The following DOCK1 variants were observed in gnomAD, a reference collection of about 807,000 sequenced individuals.
DOCK1 encodes the protein dedicator of cytokinesis 1, also known as dedicator of cytokinesis protein 1.
A neutral mutation model predicts 262.7 loss-of-function variants in DOCK1; 138 were observed. The ratio of observed to expected loss-of-function variants is 0.53; its 90% CI spans 0.46 to 0.61. DOCK1 has a LOEUF of 0.61. DOCK1 is among the 20% of genes least tolerant of loss of function. DOCK1 has a pLI of 0.00. For synonymous variants in DOCK1, 866 were observed against 867.4 expected, an observed-to-expected ratio of 1.00 and a Z score of 0.03; for missense variants, 1,908 against 2,370.7, an observed-to-expected ratio of 0.80 and a Z score of 4.05.
chr10:127,235,858 T>C (rs949888893), intron 27 of DOCK1, among the ~76,000 whole-genome samples: 2 of 152,142 alleles, frequency 1.3e-5, no homozygotes, highest in Non-Finnish European at 2.9e-5. Context: ...AACTTGCGTG[T>C]TCCTATTGAC....
chr10:127,227,312 G>A (rs1186361), intron 27 of DOCK1, among the ~76,000 whole-genome samples: 89,521 of 152,052 alleles, frequency 0.59, 26,725 homozygotes, highest in East Asian at 0.74. Context: ...AAGGATGCCT[G>A]TGGGGAGTAG....
chr10:126,940,150 A>T (rs2034878845), intron 1 of DOCK1, among the ~76,000 whole-genome samples: 2 of 152,338 alleles, frequency 1.3e-5, no homozygotes, highest in Admixed American at 1.3e-4. Flanking sequence ...AGTAATGGAT[A>T]AGAAATTTGC....
chr10:127,172,710 T>C (rs1035013721), intron 27 of DOCK1, among the ~76,000 whole-genome samples: 2 of 152,106 alleles, frequency 1.3e-5, no homozygotes, highest in African/African-American at 4.8e-5. Context: ...CTTTCTACCT[T>C]CCACCGTGAG....
At chr10:127,018,532 T>G in intron 12 of DOCK1, 178 bp from the exon 13 acceptor site, 1 of 871,506 alleles carries the variant, frequency 1.1e-6, no homozygotes, top group Non-Finnish European at 1.7e-6. Flanking sequence ...GTTGGATGCA[T>G]GGAGTCCCCA....
chr10:126,945,143 C>T (rs1260666704), intron 1 of DOCK1, among the ~76,000 whole-genome samples: 2 of 152,054 alleles, frequency 1.3e-5, no homozygotes, highest in African/African-American at 4.8e-5. Context: ...GGCCAGAAAA[C>T]GTTTTTTATC....
intron 38 of DOCK1, among the ~76,000 whole-genome samples, chr10:127,391,979 C>G (rs1051717087): frequency 2.3e-5 from 3 of 128,546 alleles, no homozygotes; most frequent in Non-Finnish European, 5.2e-5. Context: ...TGGCATGAGG[C>G]CCCTTAGAGT....
chr10:126,949,684 G>T (rs1488365178), intron 1 of DOCK1, among the ~76,000 whole-genome samples: 1 of 152,164 alleles, frequency 6.6e-6, no homozygotes, highest in African/African-American at 2.4e-5. Flanking sequence ...ATGCAGGAAG[G>T]ATCTGGAGGG....
intron 29 of DOCK1, among the ~76,000 whole-genome samples, chr10:127,325,827 T>C (rs2062724787): frequency 6.6e-6 from 1 of 152,292 alleles, no homozygotes; most frequent in African/African-American, 2.4e-5. Context: ...GGTGATTATA[T>C]CTTAACTCTT....
chr10:126,970,670 T>G (rs1373156546), intron 1 of DOCK1, 32 bp from the exon 2 acceptor site: 1 of 1,540,828 alleles, frequency 6.5e-7, no homozygotes, highest in South Asian at 1.1e-5. Flanking sequence ...ATCTTTACTA[T>G]TACTAATATA....
intron 27 of DOCK1, among the ~76,000 whole-genome samples, chr10:127,150,195 C>G (rs1384513109): frequency 6.6e-6 from 1 of 152,174 alleles, no homozygotes; most frequent in Non-Finnish European, 1.5e-5. Context: ...GAATAGGTGA[C>G]TCCTCCTGCC....
chr10:127,407,905 T>G (rs531214047), intron 40 of DOCK1, among the ~76,000 whole-genome samples: 8 of 152,168 alleles, frequency 5.3e-5, no homozygotes, highest in African/African-American at 1.9e-4. Context: ...TGTGGCAGTT[T>G]TCATTTCGGT....
At chr10:127,197,050 G>T (rs1051784538) in intron 27 of DOCK1, among the ~76,000 whole-genome samples, 5 of 152,176 alleles carry the variant, frequency 3.3e-5, no homozygotes, top group Admixed American at 3.3e-4. Context: ...TGCGGATGCT[G>T]CCTTGTAGAA....
At chr10:127,025,049 C>T in intron 15 of DOCK1, 1 of 311,430 alleles carries the variant, frequency 3.2e-6, no homozygotes, top group Non-Finnish European at 6.0e-6. Flanking sequence ...TCTTTCTCTT[C>T]CCAGTACTGT....
intron 27 of DOCK1, among the ~76,000 whole-genome samples, chr10:127,131,002 C>T (rs912694184): frequency 4.6e-5 from 7 of 152,176 alleles, no homozygotes; most frequent in African/African-American, 7.2e-5. Flanking sequence ...ACTCTAGGAT[C>T]TCCTTGCTAG....
At chr10:126,919,041 T>C (rs1281352873) in intron 1 of DOCK1, among the ~76,000 whole-genome samples, 1 of 131,090 alleles carries the variant, frequency 7.6e-6, no homozygotes, top group Non-Finnish European at 1.7e-5. Flanking sequence ...CATTAGGAGC[T>C]GGCTGTGTTT....
intron 1 of DOCK1, among the ~76,000 whole-genome samples, chr10:126,959,396 T>C (rs1442620319): frequency 6.6e-6 from 1 of 152,240 alleles, no homozygotes; most frequent in Non-Finnish European, 1.5e-5. Flanking sequence ...CTCATAATGT[T>C]ATGCCAGAGT....
intron 1 of DOCK1, among the ~76,000 whole-genome samples, chr10:126,911,573 A>C (rs539208130): frequency 1.3e-5 from 2 of 152,194 alleles, no homozygotes; most frequent in African/African-American, 2.4e-5. Context: ...GAAGGCCTTC[A>C]GGGAGGAAAT....
chr10:127,286,979 C>T (rs1420121073), intron 29 of DOCK1, among the ~76,000 whole-genome samples: 2 of 150,856 alleles, frequency 1.3e-5, no homozygotes, highest in Non-Finnish European at 3.0e-5. Flanking sequence ...GGGTTCATGC[C>T]GTTCTCCTGC....
chr10:127,253,388 G>A (rs775025538), intron 28 of DOCK1, among the ~76,000 whole-genome samples: 20 of 152,028 alleles, frequency 1.3e-4, no homozygotes, highest in African/African-American at 2.4e-4. Flanking sequence ...CTCTCCCACC[G>A]CATCCCATTC....
Sources: allele counts gnomAD v4.1 joint callset (sites outside exome capture counted in the v4.1 genomes callset), GRCh38; gene constraint gnomAD v4.1.1; transcripts MANE v1.5; gene names NCBI Gene and HGNC (gene_info 2026-07-23, HGNC 2026-07-21).